The following MTR variants were observed in gnomAD, a reference collection of about 807,000 sequenced individuals.
The protein encoded by MTR is 5-methyltetrahydrofolate-homocysteine methyltransferase.
MTR carries 84 observed loss-of-function variants against 154.8 expected under a neutral mutation model. That is an observed-to-expected ratio of 0.54 (90% CI 0.45 to 0.65). MTR has a LOEUF of 0.65. MTR is among the 30% of genes least tolerant of loss of function. The pLI, the probability that MTR is intolerant of heterozygous loss-of-function variation, is 0.00. For missense variants in MTR, 1,275 were observed against 1,570.2 expected (o/e 0.81, Z 3.18); for synonymous variants, 554 against 553.9 (o/e 1.00, Z 0.00).
In MTR at chr1:236,895,366, A is replaced by G. The variant is rs1572349305; in HGVS notation, c.3414A>G (p.Ala1138=). The G allele has an allele frequency of 1.3e-6, 2 of 1,597,236 alleles. No homozygotes were observed. The highest frequency in any genetic ancestry group is 2.2e-5 in the East Asian group (1 of 44,448). Residue 1138 remains alanine (A), a synonymous_variant, in exon 31 of 33, where the codon GCA becomes GCG. Transcript: ENST00000366577. ...CTGCTTTGGGTCCCAAGGCCTTTGC[A>G]GAAGAGCTCCATGAAAGAGTTCGCC... is the stretch of plus-strand genomic sequence containing the variant. ...ALGDRLAEAF[A]EELHERVRRE... is the part of the protein sequence containing the mutation.
In MTR at chr1:236,896,177, C is replaced by T. The variant is rs558736973; in HGVS notation, c.3598+627C>T. Among the ~76,000 whole-genome samples, 6 of 152,290 alleles carry T rather than the reference C, an allele frequency of 3.9e-5. No individual in the cohort carries two copies. In the East Asian group the frequency reaches 9.6e-4, roughly 24 times the overall value. ...TCCTGTGCCCAGAGCTGACTTGGCT[C>T]GTGGTTCTGTGGCTGCACATTGTCA... On this transcript the variant is annotated intron_variant, in intron 31 of 32. Coordinates refer to ENST00000366577, the MANE Select transcript of MTR (RefSeq NM_000254.3).
At chr1:236,861,388 G>A (rs1572282146) in intron 20 of MTR, 111 bp downstream of exon 20, 1 of 1,414,254 alleles carries the variant, frequency 7.1e-7, no homozygotes, top group East Asian at 2.3e-5. Context: ...GAGTTCAATG[G>A]TATTGGCTAG....
At chr1:236,801,355 A>T (rs760032812) in intron 1 of MTR, among the ~76,000 whole-genome samples, 3 of 152,212 alleles carry the variant, frequency 2.0e-5, no homozygotes, top group Non-Finnish European at 4.4e-5. Flanking sequence ...CAGAAACTAG[A>T]TATTGGATAT....
rs187134103 is a variant in MTR at position 236,839,305 on chromosome 1, G to A, written c.1515+706G>A. On this transcript the variant is annotated intron_variant, in intron 15 of 32. Transcript: ENST00000366577. Reference sequence around the variant, plus strand: ...AGCAGTGGGTGAATATTCCTAATACGCAAAGAGTTTATATAAGTCAGAAAG... The same window carrying A: ...AGCAGTGGGTGAATATTCCTAATACACAAAGAGTTTATATAAGTCAGAAAG... 4.2e-3 allele frequency among the ~76,000 whole-genome samples: 643 copies of A among 152,126 alleles called. 8 individuals are homozygous for A. The highest frequency in any genetic ancestry group is 0.015 in the African/African-American group (618 of 41,480).
At chr1:236,821,972 C>CTTGGAG (rs1298664258) in intron 8 of MTR, among the ~76,000 whole-genome samples, 4 of 152,126 alleles carry the variant, frequency 2.6e-5, no homozygotes, top group African/African-American at 9.7e-5. Context: ...TTTAGTAAGT[C>CTTGGAG]TTGGAGTTGG....
Position 236,858,169 on chromosome 1 carries a change from T to G in MTR, c.1954-1664T>G, listed in dbSNP as rs548985254. Among the ~76,000 whole-genome samples, 240 of 152,196 alleles carry G rather than the reference T, an allele frequency of 1.6e-3. 1 individual carries two copies. Among genetic ancestry groups the G allele is most frequent in the Non-Finnish European group, 2.3e-3 (157 of 68,002 alleles). Reference sequence around the variant, plus strand: ...GACATACCCGAGACTGGGTAATTTATGAAGAAAAGGAGGTTTAATGGACTC... The same window carrying G: ...GACATACCCGAGACTGGGTAATTTAGGAAGAAAAGGAGGTTTAATGGACTC... On this transcript the variant is annotated intron_variant, in intron 18 of 32. Coordinates refer to ENST00000366577, the MANE Select transcript of MTR (RefSeq NM_000254.3).
chr1:236,807,217 A>G (rs1661035454), intron 3 of MTR, among the ~76,000 whole-genome samples: 1 of 152,134 alleles, frequency 6.6e-6, no homozygotes, highest in African/African-American at 2.4e-5. Flanking sequence ...TCTGTCACCC[A>G]GGCTGGAGTG....
chr1:236,888,511 T>G (rs1271579740), intron 27 of MTR, among the ~76,000 whole-genome samples: 2 of 152,250 alleles, frequency 1.3e-5, no homozygotes, highest in Non-Finnish European at 2.9e-5. Context: ...CATCTGATTT[T>G]TAAAAAACGA....
intron 15 of MTR, among the ~76,000 whole-genome samples, chr1:236,840,876 A>G (rs1274012067): frequency 6.6e-6 from 1 of 152,178 alleles, no homozygotes. Context: ...GAGTCAGTTC[A>G]TTGGAGTGGG....
intron 15 of MTR, among the ~76,000 whole-genome samples, chr1:236,844,423 C>G (rs1038379227): frequency 3.4e-5 from 5 of 148,670 alleles, no homozygotes; most frequent in Admixed American, 6.7e-5. Context: ...AGGGTGGAAA[C>G]CAGGGGGGAA....
intron 1 of MTR, among the ~76,000 whole-genome samples, chr1:236,799,852 G>A (rs1660611692): frequency 6.6e-6 from 1 of 150,554 alleles, no homozygotes. Context: ...CTTTTCATTC[G>A]AAGTCATAAA....
chr1:236,841,049 A>C (rs1196162100), intron 15 of MTR, among the ~76,000 whole-genome samples: 1 of 152,244 alleles, frequency 6.6e-6, no homozygotes, highest in Non-Finnish European at 1.5e-5. Flanking sequence ...GTAAACAAAA[A>C]GAAAAAAGCC....
intron 16 of MTR, 75 bp downstream of exon 16, chr1:236,850,598 CTT>C (rs1663840687): frequency 1.5e-5 from 20 of 1,311,322 alleles, no homozygotes; most frequent in East Asian, 4.8e-5. Context: ...TTAGAACTAA[CTT>C]ATATATTTAT....
chr1:236,886,478 A>C, intron 27 of MTR, 111 bp downstream of exon 27: 4 of 922,602 alleles, frequency 4.3e-6, no homozygotes, highest in South Asian at 1.4e-5. Flanking sequence ...AACGACTCTC[A>C]ACTGTGTCTA....
At chr1:236,856,210 A>C (rs1394866736) in intron 18 of MTR, among the ~76,000 whole-genome samples, 1 of 152,174 alleles carries the variant, frequency 6.6e-6, no homozygotes, top group Non-Finnish European at 1.5e-5. Context: ...TGTTTGGAAC[A>C]CACCGCCCTG....
chr1:236,806,056 G>T, intron 2 of MTR, 88 bp from the exon 3 acceptor site: 1 of 1,071,392 alleles, frequency 9.3e-7, no homozygotes, highest in Non-Finnish European at 1.4e-6. Context: ...GGTAGCTGCT[G>T]ATAATGGTGG....
At chr1:236,897,480 C>G (rs1471104252) in intron 32 of MTR, 78 bp from the exon 33 acceptor site, 25 of 1,343,374 alleles carry the variant, frequency 1.9e-5, no homozygotes, top group Non-Finnish European at 2.6e-5. Context: ...CTTAATGTTT[C>G]TTGGCAAATC....
At chr1:236,887,137 A>G (rs1276919441) in intron 27 of MTR, among the ~76,000 whole-genome samples, 1 of 152,236 alleles carries the variant, frequency 6.6e-6, no homozygotes, top group African/African-American at 2.4e-5. Context: ...AATTGAATCC[A>G]TATTTCCAAG....
intron 21 of MTR, among the ~76,000 whole-genome samples, chr1:236,862,741 A>C (rs1435490115): frequency 6.6e-6 from 1 of 152,070 alleles, no homozygotes; most frequent in East Asian, 1.9e-4. Context: ...CTCTTAACTG[A>C]ATAGTCTTTC....
Sources: gnomAD v4.1 joint callset for allele counts (sites outside exome capture counted in the v4.1 genomes callset) on GRCh38, gnomAD v4.1.1 for gene constraint, MANE v1.5 for transcripts, NCBI Gene and HGNC (gene_info 2026-07-23, HGNC 2026-07-21) for gene names.